Variants in ANKMY1 observed in about 807,000 individuals in gnomAD.
The protein encoded by ANKMY1 is ankyrin repeat and MYND domain containing 1.
A neutral mutation model predicts 102.0 loss-of-function variants in ANKMY1; 98 were observed. The observed-to-expected ratio is 0.96, with a 90% CI of 0.82 to 1.14. ANKMY1 has a LOEUF of 1.14. ANKMY1 is among the 50% of genes most tolerant of loss of function. The probability of loss-of-function intolerance (pLI) is 0.00; values close to 1 mark genes in which losing one functional copy is unlikely to be tolerated. For missense variants in ANKMY1, 1,330 were observed against 1,347.6 expected (o/e 0.99, Z 0.20); for synonymous variants, 582 against 559.9 (o/e 1.04, Z -0.56).
At chr2:240,502,511 T>C (rs1303620344) in intron 13 of ANKMY1, among the ~76,000 whole-genome samples, 1 of 151,782 alleles carries the variant, frequency 6.6e-6, no homozygotes, top group Non-Finnish European at 1.5e-5. Flanking sequence ...CCCAGCAGGG[T>C]ATGCAGTGTG....
the ANKMY1 span, among the ~76,000 whole-genome samples, chr2:240,474,293 A>G: frequency 2.5e-5 from 3 of 118,708 alleles, no homozygotes; most frequent in Non-Finnish European, 3.4e-5. Flanking sequence ...TTTTTTTAGT[A>G]GAGACGGGTT....
At chr2:240,514,953 A>G (rs2080913855) in intron 9 of ANKMY1, among the ~76,000 whole-genome samples, 1 of 152,230 alleles carries the variant, frequency 6.6e-6, no homozygotes, top group Non-Finnish European at 1.5e-5. Flanking sequence ...CACAGTGCTG[A>G]TGTTCTGCTC....
chr2:240,485,543 C>A (rs561595419), intron 15 of ANKMY1, among the ~76,000 whole-genome samples: 1 of 151,614 alleles, frequency 6.6e-6, no homozygotes, highest in African/African-American at 2.4e-5. Flanking sequence ...ATTTCGAGTT[C>A]TTTCCTTAGT....
At chr2:240,552,786 A>T in intron 4 of ANKMY1, 128 bp downstream of exon 4, 2 of 1,439,944 alleles carry the variant, frequency 1.4e-6, no homozygotes, top group Non-Finnish European at 1.9e-6. Flanking sequence ...CATTTTAATC[A>T]TTAAAAGTAA....
Position 240,507,856 on chromosome 2 carries a change from G to A in ANKMY1, c.2395-165C>T, listed in dbSNP as rs1005004945. 9 of 768,736 alleles carry A rather than the reference G, an allele frequency of 1.2e-5. No homozygotes were observed. In the African/African-American group the frequency reaches 1.4e-4, roughly 12 times the overall value. 47.6% of individuals were successfully genotyped at this position (768,736 alleles called of 1,614,324 possible). Reference sequence around the variant, plus strand: ...GATCCTACCCACAGTGGGTCCCGCTGCTGGCCTGTCCCACAGAGGATGATG... The same window carrying A: ...GATCCTACCCACAGTGGGTCCCGCTACTGGCCTGTCCCACAGAGGATGATG... On this transcript the variant is annotated intron_variant, in intron 12 of 17. Transcript: ENST00000401804.
intron 4 of ANKMY1, among the ~76,000 whole-genome samples, chr2:240,550,987 T>A (rs1347340626): frequency 6.6e-6 from 1 of 152,160 alleles, no homozygotes; most frequent in African/African-American, 2.4e-5. Context: ...ACTATTGAAT[T>A]CAGGTGTCTG....
At chr2:240,479,394 T>C, downstream of ANKMY1, 2 of 627,926 alleles carry the variant, frequency 3.2e-6, no homozygotes, top group Non-Finnish European at 5.6e-6. Context: ...TCTGGGACTT[T>C]GCCCAGCTAG....
upstream of ANKMY1, chr2:240,561,053 C>T (rs774117553): frequency 2.0e-6 from 3 of 1,502,854 alleles, no homozygotes; most frequent in South Asian, 1.3e-5. Context: ...GGCACCGCGG[C>T]CTCAGCCTGG....
chr2:240,510,439 G>A (rs2079956985), intron 11 of ANKMY1, among the ~76,000 whole-genome samples: 1 of 151,936 alleles, frequency 6.6e-6, no homozygotes, highest in Non-Finnish European at 1.5e-5. Flanking sequence ...GCAATCCTCA[G>A]CTGCTCCCTT....
chr2:240,523,709 C>G, intron 8 of ANKMY1, 176 bp downstream of exon 8: 1 of 1,089,734 alleles, frequency 9.2e-7, no homozygotes, highest in South Asian at 1.7e-5. Context: ...ACCGTGGCAC[C>G]CCCACAGGGC....
intron 6 of ANKMY1, 30 bp downstream of exon 6, chr2:240,526,199 G>C: frequency 6.2e-7 from 1 of 1,613,206 alleles, no homozygotes; most frequent in South Asian, 1.1e-5. Context: ...AAGCTCCTGC[G>C]GGCACCAGCT....
chr2:240,535,233 A>G (rs1268344109), intron 4 of ANKMY1, among the ~76,000 whole-genome samples: 2 of 152,216 alleles, frequency 1.3e-5, no homozygotes, highest in Admixed American at 6.5e-5. Context: ...TACATTTAGG[A>G]AATACATTGG....
Position 240,526,801 on chromosome 2 carries a change from A to C in ANKMY1, c.954-356T>G. 8 of 1,206,964 alleles carry C rather than the reference A, an allele frequency of 6.6e-6. No homozygotes were observed. In the South Asian group the frequency reaches 8.5e-5, roughly 13 times the overall value. 74.8% of individuals were successfully genotyped at this position (1,206,964 alleles called of 1,614,324 possible). A position where few individuals can be genotyped will look rare whatever the true frequency, so the allele number is the denominator to read the frequency against. On this transcript the variant is annotated intron_variant, in intron 5 of 17. Transcript: ENST00000401804. ...CTGGGTAGGATGGAGACCAACATAC[A>C]TGTGGTTCCAGTCTCAGCACCAACA...
upstream of ANKMY1, chr2:240,560,838 T>C: frequency 7.2e-7 from 1 of 1,398,040 alleles, no homozygotes; most frequent in Middle Eastern, 2.5e-4. Context: ...CGTCAACGTC[T>C]CCCGCCAGCA....
downstream of ANKMY1, among the ~76,000 whole-genome samples, chr2:240,477,699 CTT>C (rs1393379532): frequency 2.0e-5 from 3 of 152,158 alleles, no homozygotes; most frequent in Admixed American, 1.3e-4. Flanking sequence ...TTTTATCACT[CTT>C]GTCTTTGCTG....
chr2:240,513,483 C>T (rs1348677204), intron 9 of ANKMY1, among the ~76,000 whole-genome samples: 1 of 152,246 alleles, frequency 6.6e-6, no homozygotes, highest in Non-Finnish European at 1.5e-5. Context: ...TGAGAATGGA[C>T]AGTGGGCTTT....
intron 13 of ANKMY1, among the ~76,000 whole-genome samples, chr2:240,501,277 TGTGA>T (rs1275758111): frequency 3.9e-5 from 6 of 152,148 alleles, no homozygotes; most frequent in South Asian, 2.1e-4. Context: ...CATGTGTGTT[TGTGA>T]GTGAGTGCAA....
chr2:240,526,731 T>C (rs1333259758), intron 5 of ANKMY1: 7 of 1,340,050 alleles, frequency 5.2e-6, no homozygotes, highest in Non-Finnish European at 5.8e-6. Flanking sequence ...GCATCTCTGA[T>C]TCATCTGGGT....
intron 4 of ANKMY1, among the ~76,000 whole-genome samples, chr2:240,544,995 G>A (rs1007429706): frequency 2.0e-5 from 3 of 152,236 alleles, no homozygotes; most frequent in African/African-American, 7.2e-5. Context: ...CTCCAACTGG[G>A]TGGAGCCCAC....
Sources: gnomAD v4.1 joint callset for allele counts (sites outside exome capture counted in the v4.1 genomes callset) on GRCh38, gnomAD v4.1.1 for gene constraint, MANE v1.5 for transcripts, NCBI Gene and HGNC (gene_info 2026-07-23, HGNC 2026-07-21) for gene names.